Variants in WDR17 observed in about 807,000 individuals in gnomAD.
WDR17 encodes WD repeat-containing protein 17.
WDR17 carries 143 observed loss-of-function variants against 161.7 expected under a neutral mutation model. The ratio of observed to expected loss-of-function variants is 0.88; its 90% confidence interval spans 0.77 to 1.02. WDR17 has a LOEUF of 1.02. Ranked by LOEUF, WDR17 falls within the 50% of genes least tolerant of loss-of-function variation. The probability of loss-of-function intolerance (pLI) is 0.00; values close to 1 mark genes in which losing one functional copy is unlikely to be tolerated. For synonymous variants in WDR17, 517 were observed against 515.6 expected (o/e 1.00, Z -0.04); for missense variants, 1,469 against 1,520.9 (o/e 0.97, Z 0.57).
Position 176,179,688 on chromosome 4 carries a change from C to A in WDR17, c.*109C>A. On this transcript the variant is annotated 3_prime_UTR_variant, in exon 29 of 29. Transcript: ENST00000508596. ...GTGCCAGAGGTTGGGAGAAGGATTG[C>A]AGGTTGGGAGAGGTGGGAAATAGCA... is the stretch of plus-strand genomic sequence containing the variant. 2 of 1,150,546 alleles carry A rather than the reference C, an allele frequency of 1.7e-6. No individual in the cohort carries two copies. Among genetic ancestry groups the A allele is most frequent in the Non-Finnish European group, 1.1e-6 (1 of 879,106 alleles). The allele number at this position is 1,150,546 out of a possible 1,614,324, so 71.3% of individuals were successfully genotyped here. A position where few individuals can be genotyped will look rare whatever the true frequency, so the allele number is the denominator to read the frequency against.
chr4:176,091,155 A>G (rs926783969), intron 1 of WDR17, among the ~76,000 whole-genome samples: 1 of 152,252 alleles, frequency 6.6e-6, no homozygotes, highest in Non-Finnish European at 1.5e-5. Context: ...GCAACCTAAT[A>G]GATATTTACA....
chr4:176,096,694 A>G, intron 1 of WDR17: 1 of 847,786 alleles, frequency 1.2e-6, no homozygotes, highest in Non-Finnish European at 1.8e-6. Context: ...TTCGCATTGC[A>G]AAGTTCTGAG....
intron 1 of WDR17, among the ~76,000 whole-genome samples, chr4:176,073,827 G>A (rs1447151419): frequency 1.3e-5 from 2 of 152,052 alleles, no homozygotes; most frequent in Admixed American, 6.5e-5. Flanking sequence ...TGTCATTGTG[G>A]TTTTGATTTG....
At chr4:176,092,657 A>G (rs1561085197) in intron 1 of WDR17, among the ~76,000 whole-genome samples, 1 of 152,210 alleles carries the variant, frequency 6.6e-6, no homozygotes, top group Non-Finnish European at 1.5e-5. Context: ...ACCAAAAAAA[A>G]TAGAACTGAT....
At chr4:176,073,268 C>A (rs954095899) in intron 1 of WDR17, among the ~76,000 whole-genome samples, 1 of 152,112 alleles carries the variant, frequency 6.6e-6, no homozygotes, top group African/African-American at 2.4e-5. Context: ...TCCCACCCTA[C>A]AACAGTCCCC....
intron 1 of WDR17, among the ~76,000 whole-genome samples, chr4:176,079,354 A>T (rs1217942401): frequency 1.3e-5 from 2 of 152,098 alleles, no homozygotes; most frequent in African/African-American, 4.8e-5. Context: ...TATCTTTTGG[A>T]TGTTCTGATT....
intron 1 of WDR17, among the ~76,000 whole-genome samples, chr4:176,079,389 T>G (rs1371834279): frequency 2.6e-5 from 4 of 152,160 alleles, no homozygotes; most frequent in Non-Finnish European, 2.9e-5. Flanking sequence ...GGCTGTTTAA[T>G]CAGTAAGTAA....
intron 10 of WDR17, 123 bp from the exon 11 acceptor site, chr4:176,141,860 G>A: frequency 2.7e-6 from 2 of 743,612 alleles, no homozygotes; most frequent in Non-Finnish European, 4.2e-6. Flanking sequence ...TGTTCTTTTT[G>A]CTTTGTAGAC....
chr4:176,156,626 A>G (rs2126834704), intron 18 of WDR17, among the ~76,000 whole-genome samples: 1 of 152,102 alleles, frequency 6.6e-6, no homozygotes, highest in African/African-American at 2.4e-5. Context: ...TTCAGAATGC[A>G]ATAACCCGAC....
intron 1 of WDR17, among the ~76,000 whole-genome samples, chr4:176,085,393 C>T (rs1735297174): frequency 6.6e-6 from 1 of 151,906 alleles, no homozygotes; most frequent in African/African-American, 2.4e-5. Context: ...TGTAACATTT[C>T]TTTTTGAACT....
intron 4 of WDR17, 85 bp from the exon 5 acceptor site, chr4:176,125,019 T>A (rs138273167): frequency 6.9e-7 from 1 of 1,450,816 alleles, no homozygotes; most frequent in East Asian, 2.3e-5. Flanking sequence ...GAGATAGATA[T>A]TGTACAAGGA....
At position 176,145,999 on chromosome 4, in the gene WDR17, A is replaced by G. The variant is rs763316227; in HGVS notation, c.1534A>G (p.Met512Val). ...ATTCCATTGATGATATTTCAGAGACATGATAGCCACTGGCTGTGAAGACAC... is the reference window on the plus strand; with the variant it reads ...ATTCCATTGATGATATTTCAGAGACGTGATAGCCACTGGCTGTGAAGACAC... ...GCDWSQNNKD[M>V]IATGCEDTNV... Residue 512 changes from methionine to valine, a missense_variant, in exon 12 of 29, where the codon ATG (methionine) becomes GTG (valine). Transcript: ENST00000508596. The G allele has an allele frequency of 1.2e-6, 2 of 1,612,946 alleles. No individual in the cohort carries two copies. Among genetic ancestry groups the G allele is most frequent in the Admixed American group, 1.7e-5 (1 of 59,980 alleles).
chr4:176,129,672 T>A (rs1223168760), intron 6 of WDR17, among the ~76,000 whole-genome samples: 1 of 152,134 alleles, frequency 6.6e-6, no homozygotes, highest in Non-Finnish European at 1.5e-5. Context: ...TAATTAGCAA[T>A]GGCTATTCAA....
At chr4:176,123,964 CTG>C (rs1742022356) in intron 4 of WDR17, among the ~76,000 whole-genome samples, 1 of 152,170 alleles carries the variant, frequency 6.6e-6, no homozygotes, top group African/African-American at 2.4e-5. Flanking sequence ...CAAAAAGACA[CTG>C]TAGAGATTCC....
At chr4:176,072,198 T>C (rs778351243) in intron 1 of WDR17, among the ~76,000 whole-genome samples, 1 of 152,194 alleles carries the variant, frequency 6.6e-6, no homozygotes, top group Non-Finnish European at 1.5e-5. Context: ...TCAGAAATGC[T>C]CAGGTAAACT....
At chr4:176,127,973 T>C (rs1023259465) in intron 5 of WDR17, among the ~76,000 whole-genome samples, 1 of 152,250 alleles carries the variant, frequency 6.6e-6, no homozygotes, top group South Asian at 2.1e-4. Context: ...TGTTATAGCA[T>C]GTATCAGTAC....
chr4:176,115,046 G>A (rs904174289), intron 2 of WDR17, among the ~76,000 whole-genome samples: 1 of 151,930 alleles, frequency 6.6e-6, no homozygotes, highest in Non-Finnish European at 1.5e-5. Context: ...TTTATTGCAA[G>A]CATATAGCTT....
intron 18 of WDR17, among the ~76,000 whole-genome samples, chr4:176,159,413 T>C (rs905205657): frequency 6.6e-6 from 1 of 152,134 alleles, no homozygotes; most frequent in African/African-American, 2.4e-5. Flanking sequence ...CTTCACAATC[T>C]CTAAGATTAC....
In WDR17 at chr4:176,141,966, A is replaced by G. The variant is rs1440016956; in HGVS notation, c.1443-17A>G. 2.0e-6 allele frequency: 3 copies of G among 1,532,904 alleles called. No homozygotes were observed. The highest frequency in any genetic ancestry group is 4.5e-5 in the East Asian group (2 of 44,286). 95.0% of individuals were successfully genotyped at this position (1,532,904 alleles called of 1,614,324 possible). On this transcript the variant is annotated splice_polypyrimidine_tract_variant and intron_variant, in intron 10 of 28. Transcript: ENST00000508596. ...TAGAGTATTGTTTTTCTATTAACATATTATAATTAATTCTAGTATTATTCG... is the reference window on the plus strand; with the variant it reads ...TAGAGTATTGTTTTTCTATTAACATGTTATAATTAATTCTAGTATTATTCG...
Sources: gnomAD v4.1 joint callset for allele counts (sites outside exome capture counted in the v4.1 genomes callset) on GRCh38, gnomAD v4.1.1 for gene constraint, MANE v1.5 for transcripts, NCBI Gene and HGNC (gene_info 2026-07-23, HGNC 2026-07-21) for gene names.